Variants in INPP5F observed in about 807,000 individuals in gnomAD.
INPP5F encodes phosphatidylinositide 4-phosphatase SAC2.
In INPP5F, 97 loss-of-function variants were observed where a neutral mutation model predicts 137.2. That is an observed-to-expected ratio of 0.71 (90% CI 0.60 to 0.84). The LOEUF (loss-of-function observed/expected upper bound fraction) is 0.84, where lower values mean the gene tolerates loss of function less well. Ranked by LOEUF, INPP5F falls within the 40% of genes least tolerant of loss-of-function variation. INPP5F has a pLI of 0.00. For missense variants in INPP5F, 1,271 were observed against 1,371.9 expected, an observed-to-expected ratio of 0.93 and a Z score of 1.16; for synonymous variants, 504 against 476.9, an observed-to-expected ratio of 1.06 and a Z score of -0.74.
chr10:119,771,833 A>G (rs1439494705), intron 2 of INPP5F, among the ~76,000 whole-genome samples: 20 of 121,658 alleles, frequency 1.6e-4, no homozygotes, highest in African/African-American at 6.2e-4. Context: ...TCCATACTCC[A>G]TAAAGTATGG....
intron 1 of INPP5F, among the ~76,000 whole-genome samples, chr10:119,746,277 C>G (rs562947248): frequency 6.6e-6 from 1 of 152,322 alleles, no homozygotes; most frequent in East Asian, 1.9e-4. Flanking sequence ...TGATGCGCCA[C>G]TTCTTCTACA....
intron 13 of INPP5F, 116 bp downstream of exon 13, chr10:119,808,176 T>G: frequency 4.7e-6 from 6 of 1,280,024 alleles, no homozygotes; most frequent in Non-Finnish European, 6.4e-6. Context: ...AGTTGACTCT[T>G]TTCTGAAATG....
intron 6 of INPP5F, among the ~76,000 whole-genome samples, chr10:119,793,344 C>T (rs1850214071): frequency 6.6e-6 from 1 of 152,166 alleles, no homozygotes; most frequent in South Asian, 2.1e-4. Flanking sequence ...TCCTTTACCT[C>T]ACTATTTTCA....
intron 2 of INPP5F, among the ~76,000 whole-genome samples, chr10:119,759,046 CAA>C (rs1329919778): frequency 6.6e-6 from 1 of 152,280 alleles, no homozygotes; most frequent in Admixed American, 6.5e-5. Context: ...TGGAGAGAAA[CAA>C]GAGGGTCTGA....
rs1326317779 is a variant in INPP5F at position 119,751,135 on chromosome 10, G to T, written c.157G>T (p.Gly53Trp). 1 of 1,607,854 alleles carries T rather than the reference G, an allele frequency of 6.2e-7. No individual in the cohort carries two copies. The highest frequency in any genetic ancestry group is 1.3e-5 in the African/African-American group (1 of 74,752). ...TTTGGGGTTGGTAGAAGGTGTTATT[G>T]GGAAAATTCAACTTCATTCAGGTAT... ...ICLGLVEGVIGKIQLHSDLPW... is the reference protein window; with the variant it reads ...ICLGLVEGVIWKIQLHSDLPW... Residue 53 changes from glycine to tryptophan, a missense_variant, in exon 2 of 20, where the codon GGG (glycine) becomes TGG (tryptophan). Coordinates refer to ENST00000650623, the MANE Select transcript of INPP5F (RefSeq NM_014937.4).
chr10:119,824,848 A>G (rs1812156978), intron 19 of INPP5F, among the ~76,000 whole-genome samples: 2 of 152,164 alleles, frequency 1.3e-5, no homozygotes, highest in South Asian at 4.1e-4. Flanking sequence ...ACACATTTTT[A>G]ACCTATACAG....
At chr10:119,771,820 T>C (rs1273554801) in intron 2 of INPP5F, among the ~76,000 whole-genome samples, 2 of 138,650 alleles carry the variant, frequency 1.4e-5, no homozygotes, top group Admixed American at 7.3e-5. Flanking sequence ...TTAATGTTTA[T>C]CATCCATACT....
intron 2 of INPP5F, among the ~76,000 whole-genome samples, chr10:119,757,100 A>G (rs1387687023): frequency 1.3e-5 from 2 of 149,834 alleles, no homozygotes; most frequent in African/African-American, 2.4e-5. Flanking sequence ...TTTGAGACAG[A>G]GTTTTGTTCT....
At chr10:119,780,464 C>G (rs1448361266) in intron 2 of INPP5F, among the ~76,000 whole-genome samples, 1 of 152,104 alleles carries the variant, frequency 6.6e-6, no homozygotes, top group Admixed American at 6.6e-5. Flanking sequence ...GTGTTCCCAG[C>G]TACATTAGAG....
intron 1 of INPP5F, among the ~76,000 whole-genome samples, chr10:119,738,648 T>TACACAC (rs57713774): frequency 6.3e-4 from 94 of 150,346 alleles, no homozygotes; most frequent in East Asian, 2.2e-3. Flanking sequence ...AGATTTTAAA[T>TACACAC]ACACACACAC....
chr10:119,747,981 C>G (rs531291586), intron 1 of INPP5F, among the ~76,000 whole-genome samples: 54 of 152,274 alleles, frequency 3.5e-4, no homozygotes, highest in African/African-American at 1.1e-3. Flanking sequence ...TGGCCAGTGG[C>G]GATTTTGCCT....
intron 6 of INPP5F, among the ~76,000 whole-genome samples, chr10:119,794,064 A>G (rs1023719033): frequency 2.0e-5 from 3 of 151,680 alleles, no homozygotes; most frequent in African/African-American, 7.3e-5. Context: ...TGTTTCTCGC[A>G]GAGGGGGATT....
At chr10:119,806,796 C>T (rs1010512556) in intron 12 of INPP5F, among the ~76,000 whole-genome samples, 1 of 151,334 alleles carries the variant, frequency 6.6e-6, no homozygotes, top group African/African-American at 2.4e-5. Flanking sequence ...GGCTGGAAGT[C>T]TTGATACTGC....
chr10:119,767,238 A>T (rs1259266674), intron 2 of INPP5F, among the ~76,000 whole-genome samples: 1 of 151,804 alleles, frequency 6.6e-6, no homozygotes, highest in Non-Finnish European at 1.5e-5. Flanking sequence ...ATTTAAGTGA[A>T]TTTGTCATCA....
intron 2 of INPP5F, among the ~76,000 whole-genome samples, chr10:119,772,209 AC>A (rs979789269): frequency 6.6e-6 from 1 of 151,376 alleles, no homozygotes; most frequent in Non-Finnish European, 1.5e-5. Flanking sequence ...ATCTTTTTTT[AC>A]TTTGGGGACA....
chr10:119,727,759 T>C (rs924544753), intron 1 of INPP5F, among the ~76,000 whole-genome samples: 1 of 152,244 alleles, frequency 6.6e-6, no homozygotes, highest in Non-Finnish European at 1.5e-5. Context: ...ATAGAGTTAT[T>C]ATGGATAGGC....
rs1851770835 is a variant in INPP5F, at chr10:119,826,651, A to C, written c.2270A>C (p.Glu757Ala). Residue 757 changes from glutamate (E) to alanine (A), a missense_variant, in exon 20 of 20, where the codon GAA becomes GCA. Physicochemically the swap from Glu to Ala is moderately radical, Grantham distance 107. Around this residue, in one of 6 missense-constraint regions of INPP5F, gnomAD observed 593 missense variants for 712.4 expected, o/e 0.83. Transcript: ENST00000650623. ...TGTAGGAAGAGCAGTAAACCTCACG[A>C]AGACATCATTGGTATCAGGTCTCAA... is the stretch of plus-strand genomic sequence containing the variant. ...KLERKSSKPHEDIIGIRSQNQ... is the reference protein window; with the variant it reads ...KLERKSSKPHADIIGIRSQNQ... The C allele has an allele frequency of 1.3e-6, 2 of 1,588,114 alleles. No homozygotes were observed. The highest frequency in any genetic ancestry group is 1.7e-6 in the Non-Finnish European group (2 of 1,171,764).
chr10:119,799,509 G>C (rs1183470983), intron 9 of INPP5F, among the ~76,000 whole-genome samples: 4 of 151,962 alleles, frequency 2.6e-5, no homozygotes, highest in African/African-American at 9.7e-5. Context: ...TATAAATTTT[G>C]GGCAATCACA....
At chr10:119,801,252 CTT>C (rs759096420) in intron 9 of INPP5F, among the ~76,000 whole-genome samples, 70 of 152,328 alleles carry the variant, frequency 4.6e-4, no homozygotes, top group Admixed American at 9.2e-4. Flanking sequence ...GAAGAGAAAA[CTT>C]TTAACAGCGT....
Sources: allele counts gnomAD v4.1 joint callset (sites outside exome capture counted in the v4.1 genomes callset), GRCh38; gene constraint gnomAD v4.1.1; regional missense constraint gnomAD v4.1.1; transcripts MANE v1.5; gene names NCBI Gene and HGNC (gene_info 2026-07-23, HGNC 2026-07-21).